PCDH15: variants seen among roughly 807,000 people sequenced by gnomAD.
The protein encoded by PCDH15 is protocadherin-15.
A neutral mutation model predicts 178.5 loss-of-function variants in PCDH15; 129 were observed. The observed-to-expected ratio is 0.72, with a 90% CI of 0.63 to 0.84. PCDH15 has a LOEUF of 0.84. Among genes scored for constraint, PCDH15 ranks in the 40% least tolerant of loss-of-function variants. The probability of loss-of-function intolerance (pLI) is 0.00; values close to 1 mark genes in which losing one functional copy is unlikely to be tolerated. For missense variants in PCDH15, 2,230 were observed against 2,099.9 expected (o/e 1.06, Z -1.21); for synonymous variants, 800 against 732.0 (o/e 1.09, Z -1.50).
intron 2 of PCDH15, among the ~76,000 whole-genome samples, chr10:55,329,102 G>A (rs1183194902): frequency 6.7e-6 from 1 of 150,130 alleles, no homozygotes; most frequent in Non-Finnish European, 1.5e-5. Context: ...CTCCATGGGG[G>A]GAAACATTGT....
chr10:55,297,735 CT>C (rs1257670337), intron 1 of PCDH15, among the ~76,000 whole-genome samples: 1 of 152,052 alleles, frequency 6.6e-6, no homozygotes, highest in Non-Finnish European at 1.5e-5. Context: ...ACCAGCCTAT[CT>C]GACCTCTAGG....
At chr10:54,454,551 C>A (rs1490048600) in intron 3 of PCDH15, among the ~76,000 whole-genome samples, 1 of 150,636 alleles carries the variant, frequency 6.6e-6, no homozygotes, top group Non-Finnish European at 1.5e-5. Context: ...TGGATTATTC[C>A]TCTGAAATAA....
chr10:55,244,362 C>G (rs373530464), intron 1 of PCDH15, among the ~76,000 whole-genome samples: 2 of 151,902 alleles, frequency 1.3e-5, no homozygotes, highest in African/African-American at 4.8e-5. Flanking sequence ...ATGTATAGAC[C>G]TCTAGAAATA....
At chr10:54,759,650 A>G (rs1947612377) in intron 1 of PCDH15, among the ~76,000 whole-genome samples, 1 of 152,242 alleles carries the variant, frequency 6.6e-6, no homozygotes, top group Non-Finnish European at 1.5e-5. Context: ...ATTGTTATGA[A>G]TAAGTAAATT....
intron 3 of PCDH15, among the ~76,000 whole-genome samples, chr10:54,877,019 A>T: frequency 6.6e-6 from 1 of 152,200 alleles, no homozygotes; most frequent in East Asian, 1.9e-4. Flanking sequence ...AATATATGAA[A>T]TTACCACAGT....
At chr10:54,764,371 T>C (rs1356248533) in intron 1 of PCDH15, among the ~76,000 whole-genome samples, 1 of 152,108 alleles carries the variant, frequency 6.6e-6, no homozygotes, top group Admixed American at 6.6e-5. Flanking sequence ...TAGAGAAATG[T>C]GACTCCTATG....
chr10:54,985,772 T>G (rs1161581880), intron 2 of PCDH15, among the ~76,000 whole-genome samples: 1 of 152,182 alleles, frequency 6.6e-6, no homozygotes, highest in African/African-American at 2.4e-5. Flanking sequence ...ATTGGAAAAT[T>G]GTTAAGTTGA....
intron 2 of PCDH15, among the ~76,000 whole-genome samples, chr10:55,448,247 C>A (rs1209521242): frequency 6.6e-6 from 1 of 151,942 alleles, no homozygotes; most frequent in East Asian, 1.9e-4. Flanking sequence ...AGAAATCAAA[C>A]ATGGAACTGC....
At chr10:53,924,951 G>A (rs2084367091) in intron 25 of PCDH15, among the ~76,000 whole-genome samples, 2 of 152,150 alleles carry the variant, frequency 1.3e-5, no homozygotes, top group South Asian at 4.1e-4. Context: ...CTCAGGGATT[G>A]TAAACGCACC....
intron 8 of PCDH15, among the ~76,000 whole-genome samples, chr10:54,281,241 C>G (rs987744448): frequency 6.6e-6 from 1 of 151,778 alleles, no homozygotes; most frequent in African/African-American, 2.4e-5. Context: ...AACTTATAAC[C>G]CTTAAAAACA....
At chr10:53,868,984 T>A (rs565853888) in intron 26 of PCDH15, among the ~76,000 whole-genome samples, 1 of 152,102 alleles carries the variant, frequency 6.6e-6, no homozygotes, top group South Asian at 2.1e-4. Context: ...CCTGGCTAAT[T>A]CTTTGTAGAC....
intron 3 of PCDH15, among the ~76,000 whole-genome samples, chr10:54,833,312 TA>T (rs1953257966): frequency 1.3e-5 from 2 of 152,164 alleles, no homozygotes; most frequent in Non-Finnish European, 2.9e-5. Context: ...TTTGTTTAGT[TA>T]AACATTAGAT....
intron 2 of PCDH15, among the ~76,000 whole-genome samples, chr10:55,328,939 TATATATATATAA>T (rs1243204062): frequency 7.6e-6 from 1 of 132,432 alleles, no homozygotes; most frequent in African/African-American, 2.7e-5. Context: ...TATATATATA[TATATATATATAA>T]AATATATAAT....
intron 14 of PCDH15, among the ~76,000 whole-genome samples, chr10:54,139,528 CAT>C: frequency 6.6e-6 from 1 of 152,136 alleles, no homozygotes; most frequent in Admixed American, 6.6e-5. Flanking sequence ...TATGGGGAAA[CAT>C]ATTTCTAAAA....
In PCDH15 at chr10:53,821,739, C is replaced by A. The variant is rs564619179; in HGVS notation, c.4368-1509G>T. 622 of 1,533,974 alleles carry A rather than the reference C, an allele frequency of 4.1e-4. No individual in the cohort carries two copies. In the African/African-American group the frequency reaches 8.0e-3, roughly 20 times the overall value. Reference sequence around the variant, plus strand: ...TTTAAATTAAAAACGAGAAAAAAAACTGCATTTCATTGAATTTGGGGTAAA... The same window carrying A: ...TTTAAATTAAAAACGAGAAAAAAAAATGCATTTCATTGAATTTGGGGTAAA... On this transcript the variant is annotated intron_variant, in intron 32 of 37. Transcript: ENST00000644397.
At chr10:55,031,029 T>C (rs1840597415) in intron 2 of PCDH15, among the ~76,000 whole-genome samples, 1 of 151,986 alleles carries the variant, frequency 6.6e-6, no homozygotes, top group African/African-American at 2.4e-5. Flanking sequence ...CATAAAATGC[T>C]CAAAGTAGGC....
upstream of PCDH15, among the ~76,000 whole-genome samples, chr10:54,805,831 G>A (rs986069620): frequency 2.6e-5 from 4 of 152,110 alleles, no homozygotes; most frequent in Admixed American, 6.5e-5. Context: ...ATGTGATTTA[G>A]TAAAATATGT....
chr10:53,870,371 A>C (rs2079749897), intron 26 of PCDH15, among the ~76,000 whole-genome samples: 1 of 152,182 alleles, frequency 6.6e-6, no homozygotes, highest in Non-Finnish European at 1.5e-5. Flanking sequence ...ATGAGATAAA[A>C]GTTTTTTTAA....
chr10:54,020,428 A>C lies in PCDH15; in HGVS notation c.2527-12T>G. 6.2e-7 allele frequency: 1 copy of C among 1,611,982 alleles called. No homozygotes were observed. On this transcript the variant is annotated splice_polypyrimidine_tract_variant and intron_variant, in intron 19 of 37. Transcript: ENST00000644397. ...TCGACATCTTTGGCCTGTAATAAGCAGAAGAATAGTTTTATTAGTGACGTT... is the reference window on the plus strand; with the variant it reads ...TCGACATCTTTGGCCTGTAATAAGCCGAAGAATAGTTTTATTAGTGACGTT...
Sources: allele counts gnomAD v4.1 joint callset (sites outside exome capture counted in the v4.1 genomes callset), GRCh38; gene constraint gnomAD v4.1.1; transcripts MANE v1.5; gene names NCBI Gene and HGNC (gene_info 2026-07-23, HGNC 2026-07-21).